The following STYX variants were observed in gnomAD, a reference collection of about 807,000 sequenced individuals.
STYX encodes the protein serine/threonine/tyrosine interacting protein.
A neutral mutation model predicts 42.7 loss-of-function variants in STYX; 20 were observed. That is an observed-to-expected ratio of 0.47 (90% CI 0.33 to 0.68). The LOEUF is 0.68. Ranked by LOEUF, STYX falls within the 30% of genes least tolerant of loss-of-function variation. The pLI is 0.02. For missense variants in STYX, 226 were observed against 268.5 expected (o/e 0.84, Z 1.11); for synonymous variants, 78 against 81.9 (o/e 0.95, Z 0.26).
At chr14:52,739,299 C>T (rs1881089265) in intron 1 of STYX, among the ~76,000 whole-genome samples, 1 of 152,092 alleles carries the variant, frequency 6.6e-6, no homozygotes, top group Non-Finnish European at 1.5e-5. Context: ...TTACACCATT[C>T]CTTGATATGT....
chr14:52,761,521 C>T (rs1364161158), intron 9 of STYX, among the ~76,000 whole-genome samples: 1 of 150,270 alleles, frequency 6.7e-6, no homozygotes, highest in East Asian at 2.0e-4. Context: ...CCTATTCCTC[C>T]GAGTGCCTAT....
chr14:52,746,387 A>G (rs375489935), intron 2 of STYX, 39 bp from the exon 3 acceptor site: 83 of 1,490,716 alleles, frequency 5.6e-5, no homozygotes, highest in Non-Finnish European at 7.1e-5. Context: ...ATAGATTTAA[A>G]TTGCTGATGG....
chr14:52,772,423 G>A lies in STYX; in HGVS notation c.*1317G>A, dbSNP rs1254778912. On this transcript the variant is annotated 3_prime_UTR_variant, in exon 11 of 11. Coordinates refer to ENST00000354586, the MANE Select transcript of STYX (RefSeq NM_145251.4). The stretch of plus-strand genomic sequence containing the variant: ...AGTCACTTTATGGATTTTTGGCTAT[G>A]TTTTAGTTTGTGTGTATAAAAGTTC... 1.3e-5 allele frequency: 2 copies of A among 152,516 alleles called. No homozygotes were observed. Among genetic ancestry groups the A allele is most frequent in the Non-Finnish European group, 2.9e-5 (2 of 67,982 alleles). The allele number at this position is 152,516 out of a possible 1,614,324, so 9.4% of individuals were successfully genotyped here.
intron 1 of STYX, among the ~76,000 whole-genome samples, chr14:52,739,904 AG>A (rs978548185): frequency 1.3e-5 from 2 of 152,000 alleles, no homozygotes; most frequent in Admixed American, 1.3e-4. Flanking sequence ...AGCCTTCCAA[AG>A]GGCTGGGATT....
At chr14:52,742,462 A>G (rs1219142757) in intron 1 of STYX, among the ~76,000 whole-genome samples, 1 of 152,188 alleles carries the variant, frequency 6.6e-6, no homozygotes, top group African/African-American at 2.4e-5. Flanking sequence ...TGGTTTTACA[A>G]AACTTTTGGC....
intron 6 of STYX, 100 bp from the exon 7 acceptor site, chr14:52,757,643 T>C (rs1881926794): frequency 1.1e-5 from 12 of 1,050,910 alleles, no homozygotes; most frequent in Non-Finnish European, 1.6e-5. Context: ...GATATCCAAG[T>C]GATTATAGTA....
chr14:52,763,139 C>T lies in STYX; in HGVS notation c.504+3385C>T, dbSNP rs147477047. ...AACTCCTAACCTCTGGTGATCCGCC[C>T]GCCTCGGCCCCCAGAGTGCTGGGGT... is the stretch of plus-strand genomic sequence containing the variant. On this transcript the variant is annotated intron_variant, in intron 9 of 10. Transcript: ENST00000354586. 6.6e-3 allele frequency among the ~76,000 whole-genome samples: 999 copies of T among 152,014 alleles called. 12 individuals are homozygous for T. The highest frequency in any genetic ancestry group is 0.022 in the African/African-American group (893 of 41,488).
chr14:52,771,859 A>G lies in STYX; in HGVS notation c.*753A>G, dbSNP rs1882523744. The G allele has an allele frequency of 6.6e-6, 1 of 152,542 alleles. No individual in the cohort carries two copies. Among genetic ancestry groups the G allele is most frequent in the Admixed American group, 6.5e-5 (1 of 15,272 alleles). 9.4% of individuals were successfully genotyped at this position (152,542 alleles called of 1,614,324 possible). On this transcript the variant is annotated 3_prime_UTR_variant, in exon 11 of 11. Coordinates refer to ENST00000354586, the MANE Select transcript of STYX (RefSeq NM_145251.4). ...GATTTATAGTACCAAGTGCTTAAAC[A>G]CAAGGATAGTGTTAGATTTTCGAGT...
rs150193481 is a variant in STYX at position 52,774,335 on chromosome 14, GATATAT to G, written c.*3238_*3243del. On this transcript the variant is annotated 3_prime_UTR_variant, in exon 11 of 11. Transcript: ENST00000354586. ...CTGCAATCTTGAATTATAAAGTTGA[GATATAT>G]ATATATATGTATCAAGATCTCAACT... is the stretch of plus-strand genomic sequence containing the variant. 1 of 150,380 alleles carries G rather than the reference GATATAT, an allele frequency of 6.6e-6. No homozygotes were observed. The highest frequency in any genetic ancestry group is 1.5e-5 in the Non-Finnish European group (1 of 67,572). The allele number at this position is 150,380 out of a possible 1,614,324, so 9.3% of individuals were successfully genotyped here. A position where few individuals can be genotyped will look rare whatever the true frequency, so the allele number is the denominator to read the frequency against.
intron 3 of STYX, among the ~76,000 whole-genome samples, chr14:52,747,920 A>G (rs749506643): frequency 1.2e-4 from 19 of 152,184 alleles, no homozygotes; most frequent in Non-Finnish European, 2.4e-4. Flanking sequence ...TGAATCTGGG[A>G]GGTAGAAGTT....
chr14:52,756,620 C>A lies in STYX; in HGVS notation c.303+9C>A. Reference sequence around the variant, plus strand: ...TACGTTTTTTCCCTATGGTAGGTACCAGTATTTTTTAAATATCATTTAAAA... The same window carrying A: ...TACGTTTTTTCCCTATGGTAGGTACAAGTATTTTTTAAATATCATTTAAAA... On this transcript the variant is annotated intron_variant, in intron 5 of 10. Transcript: ENST00000354586. 1 of 1,325,006 alleles carries A rather than the reference C, an allele frequency of 7.5e-7. No homozygotes were observed. Among genetic ancestry groups the A allele is most frequent in the Non-Finnish European group, 1.0e-6 (1 of 967,002 alleles). 82.1% of individuals were successfully genotyped at this position (1,325,006 alleles called of 1,614,324 possible). A position where few individuals can be genotyped will look rare whatever the true frequency, so the allele number is the denominator to read the frequency against.
chr14:52,731,026 C>T (rs1880677777), intron 1 of STYX, among the ~76,000 whole-genome samples: 1 of 152,330 alleles, frequency 6.6e-6, no homozygotes, highest in South Asian at 2.1e-4. Flanking sequence ...CAAAGTGTCT[C>T]AAAGCTAGCT....
Position 52,757,863 on chromosome 14 carries a change from C to G in STYX, c.381-11C>G. 1 of 1,612,818 alleles carries G rather than the reference C, an allele frequency of 6.2e-7. No individual in the cohort carries two copies. Among genetic ancestry groups the G allele is most frequent in the Non-Finnish European group, 8.5e-7 (1 of 1,179,724 alleles). On this transcript the variant is annotated splice_polypyrimidine_tract_variant and intron_variant, in intron 7 of 10. Coordinates refer to ENST00000354586, the MANE Select transcript of STYX (RefSeq NM_145251.4). Reference sequence around the variant, plus strand: ...TTCTGGTTGTTTTTAAAATTATTTTCCCCTCTTCAGTGCAGCCTTTGTTAT... The same window carrying G: ...TTCTGGTTGTTTTTAAAATTATTTTGCCCTCTTCAGTGCAGCCTTTGTTAT...
rs961707670 is a variant in STYX at position 52,732,249 on chromosome 14, C to T, written c.57+1718C>T. Among the ~76,000 whole-genome samples, 6 of 148,916 alleles carry T rather than the reference C, an allele frequency of 4.0e-5. No individual in the cohort carries two copies. In the Admixed American group the frequency reaches 4.1e-4, roughly 10 times the overall value. ...CCTGAGTAGCTGGGGATTACAGGCGCGCACCGCCAGGCCCAGCTTTTTTTT... is the reference window on the plus strand; with the variant it reads ...CCTGAGTAGCTGGGGATTACAGGCGTGCACCGCCAGGCCCAGCTTTTTTTT... On this transcript the variant is annotated intron_variant, in intron 1 of 10. Coordinates refer to ENST00000354586, the MANE Select transcript of STYX (RefSeq NM_145251.4).
At chr14:52,746,695 A>C (rs1217385968) in intron 3 of STYX, among the ~76,000 whole-genome samples, 1 of 152,122 alleles carries the variant, frequency 6.6e-6, no homozygotes, top group African/African-American at 2.4e-5. Context: ...TTTTTTCCTC[A>C]TGAAATTTGT....
rs1280076534 is a variant in STYX at position 52,774,368 on chromosome 14, G to C, written c.*3262G>C. 1.3e-5 allele frequency: 2 copies of C among 150,860 alleles called. No homozygotes were observed. Among genetic ancestry groups the C allele is most frequent in the Non-Finnish European group, 2.9e-5 (2 of 67,840 alleles). 9.3% of individuals were successfully genotyped at this position (150,860 alleles called of 1,614,324 possible). On this transcript the variant is annotated 3_prime_UTR_variant, in exon 11 of 11. Transcript: ENST00000354586. ...TATATATGTATCAAGATCTCAACTT[G>C]ATGTAAAGTAAATGAGCAGTTACCT...
At chr14:52,751,090 GTATC>G (rs947930460) in intron 4 of STYX, among the ~76,000 whole-genome samples, 1 of 152,096 alleles carries the variant, frequency 6.6e-6, no homozygotes, top group Non-Finnish European at 1.5e-5. Context: ...AAGGAATTGA[GTATC>G]TAGGGGATAG....
At chr14:52,764,379 C>T (rs1170593830) in intron 9 of STYX, among the ~76,000 whole-genome samples, 3 of 152,074 alleles carry the variant, frequency 2.0e-5, no homozygotes, top group African/African-American at 7.2e-5. Context: ...TGAGTTTTCC[C>T]ATTCCTTTTC....
At chr14:52,737,712 T>G (rs1957383) in intron 1 of STYX, among the ~76,000 whole-genome samples, 5,922 of 152,232 alleles carry the variant, frequency 0.039, 370 homozygotes, top group African/African-American at 0.13. Context: ...AGACGTGTGT[T>G]CAGACGGATG....
Sources: gnomAD v4.1 joint callset for allele counts (sites outside exome capture counted in the v4.1 genomes callset) on GRCh38, gnomAD v4.1.1 for gene constraint, MANE v1.5 for transcripts, NCBI Gene and HGNC (gene_info 2026-07-23, HGNC 2026-07-21) for gene names.